Variants in FSHR observed in about 807,000 individuals in gnomAD.
FSHR encodes follicle-stimulating hormone receptor.
FSHR carries 46 observed loss-of-function variants against 52.1 expected under a neutral mutation model. The observed-to-expected ratio is 0.88, with a 90% confidence interval of 0.70 to 1.13. The LOEUF (loss-of-function observed/expected upper bound fraction) is 1.13, where lower values mean the gene tolerates loss of function less well. Among genes scored for constraint, FSHR ranks in the 50% most tolerant of loss-of-function variants. FSHR has a pLI of 0.00. For missense variants in FSHR, 964 were observed against 834.6 expected (o/e 1.16, Z -1.91); for synonymous variants, 399 against 309.6 (o/e 1.29, Z -3.03).
intron 1 of FSHR, among the ~76,000 whole-genome samples, chr2:49,111,636 T>C (rs1390574692): frequency 6.6e-6 from 1 of 152,130 alleles, no homozygotes; most frequent in East Asian, 1.9e-4. Flanking sequence ...GGACGGCGGG[T>C]TTATTGATTG....
At chr2:49,025,809 C>T (rs1667894714) in intron 2 of FSHR, among the ~76,000 whole-genome samples, 2 of 152,216 alleles carry the variant, frequency 1.3e-5, no homozygotes, top group South Asian at 4.1e-4. Flanking sequence ...ACCCAAGCCC[C>T]TTCCTAAATC....
chr2:49,075,824 G>C (rs1050845295), intron 1 of FSHR, among the ~76,000 whole-genome samples: 3 of 151,812 alleles, frequency 2.0e-5, no homozygotes, highest in Non-Finnish European at 2.9e-5. Context: ...TTTTTTGGGA[G>C]AGACAGGGTT....
intron 1 of FSHR, 149 bp downstream of exon 1, chr2:49,154,117 G>T: frequency 1.2e-6 from 1 of 810,470 alleles, no homozygotes; most frequent in Non-Finnish European, 2.1e-6. Flanking sequence ...AGGAGGGTTG[G>T]GCTGGGGAGT....
intron 2 of FSHR, among the ~76,000 whole-genome samples, chr2:49,025,084 T>C (rs1308331566): frequency 6.6e-6 from 1 of 152,242 alleles, no homozygotes; most frequent in Admixed American, 6.5e-5. Context: ...CCTTTGCTTT[T>C]GTACAATAAA....
At chr2:49,138,024 C>G (rs535763086) in intron 1 of FSHR, among the ~76,000 whole-genome samples, 1 of 151,888 alleles carries the variant, frequency 6.6e-6, no homozygotes, top group East Asian at 1.9e-4. Flanking sequence ...CATAATGGGA[C>G]AAAAATATTT....
chr2:49,047,284 G>A (rs62162079), intron 2 of FSHR, among the ~76,000 whole-genome samples: 21,608 of 152,176 alleles, frequency 0.14, 1,541 homozygotes, highest in Middle Eastern at 0.22. Flanking sequence ...AGCAGAAAAG[G>A]AAATTTAAGG....
Position 48,963,414 on chromosome 2 carries a change from A to G in FSHR, c.1407T>C (p.His469=), listed in dbSNP as rs1674322534. ...CCAGCTGCATGGCATGCGTGATGGTATGCCATCTTTCCAAGGTGATAGCTG... is the reference window on the plus strand; with the variant it reads ...CCAGCTGCATGGCATGCGTGATGGTGTGCCATCTTTCCAAGGTGATAGCTG... The part of the protein sequence containing the change: ...TLTAITLERW[H]TITHAMQLDC... Residue 469 remains histidine (H), a synonymous_variant, in exon 10 of 10, where the codon CAT becomes CAC. Coordinates refer to ENST00000406846, the MANE Select transcript of FSHR (RefSeq NM_000145.4). 5 of 1,614,026 alleles carry G rather than the reference A, an allele frequency of 3.1e-6. No homozygotes were observed. The highest frequency in any genetic ancestry group is 4.2e-6 in the Non-Finnish European group (5 of 1,180,006).
At chr2:49,039,447 C>T (rs1357179921) in intron 2 of FSHR, among the ~76,000 whole-genome samples, 3 of 152,190 alleles carry the variant, frequency 2.0e-5, no homozygotes, top group African/African-American at 7.2e-5. Flanking sequence ...GAGGAGGGCA[C>T]AGAGCAGTAT....
At chr2:49,132,912 A>G (rs568317276) in intron 1 of FSHR, among the ~76,000 whole-genome samples, 1 of 149,530 alleles carries the variant, frequency 6.7e-6, no homozygotes, top group African/African-American at 2.5e-5. Context: ...AAATGGTCCT[A>G]AGGGCAAAAG....
intron 2 of FSHR, among the ~76,000 whole-genome samples, chr2:49,054,578 C>G (rs532609056): frequency 6.6e-6 from 1 of 152,130 alleles, no homozygotes; most frequent in Non-Finnish European, 1.5e-5. Context: ...CAACCATGCA[C>G]CCATGCCTCT....
At chr2:48,973,774 T>C (rs1674853824) in intron 8 of FSHR, among the ~76,000 whole-genome samples, 1 of 152,242 alleles carries the variant, frequency 6.6e-6, no homozygotes, top group Non-Finnish European at 1.5e-5. Context: ...GGAGAAGGAT[T>C]AGGAAAGGAA....
intron 3 of FSHR, among the ~76,000 whole-genome samples, chr2:49,018,833 GCA>G (rs70946842): frequency 0.51 from 77,792 of 151,316 alleles, 21,258 homozygotes; most frequent in Non-Finnish European, 0.62. Flanking sequence ...ACACGCGCAT[GCA>G]CACACACACA....
intron 1 of FSHR, among the ~76,000 whole-genome samples, chr2:49,078,600 G>T (rs938817178): frequency 6.6e-6 from 1 of 151,430 alleles, no homozygotes; most frequent in African/African-American, 2.4e-5. Context: ...CTCTTTCAAA[G>T]AAAATTTTCA....
Position 49,127,832 on chromosome 2 carries a change from CTT to C in FSHR, c.152+26432_152+26433del, listed in dbSNP as rs1558456701. 9.1e-3 allele frequency among the ~76,000 whole-genome samples: 72 copies of C among 7,930 alleles called. 6 individuals carry two copies. Among genetic ancestry groups the C allele is most frequent in the African/African-American group, 0.06 (67 of 1,124 alleles). 5.2% of individuals were successfully genotyped at this position (7,930 alleles called of 152,430 possible). ...TCTTCTTCTTCTTCTTCTTCTTCCT[CTT>C]CTTCTTCTTCTTCTTCTTCTTCTTC... is the stretch of plus-strand genomic sequence containing the variant. On this transcript the variant is annotated intron_variant, in intron 1 of 9. Coordinates refer to ENST00000406846, the MANE Select transcript of FSHR (RefSeq NM_000145.4).
intron 2 of FSHR, among the ~76,000 whole-genome samples, chr2:49,040,380 A>T (rs1280321822): frequency 6.6e-6 from 1 of 151,762 alleles, no homozygotes; most frequent in East Asian, 1.9e-4. Flanking sequence ...CTCCCTGACC[A>T]CCTCCAGAAC....
intron 1 of FSHR, among the ~76,000 whole-genome samples, chr2:49,096,361 A>C (rs59489526): frequency 6.6e-6 from 1 of 152,110 alleles, no homozygotes; most frequent in Admixed American, 6.5e-5. Context: ...GAGGTAATAG[A>C]ACATATTGTA....
At position 49,068,213 on chromosome 2, in the gene FSHR, A is replaced by G. The variant is rs1018557051; in HGVS notation, c.224+6T>C. The G allele has an allele frequency of 3.1e-6, 5 of 1,608,292 alleles. No individual in the cohort carries two copies. Among genetic ancestry groups the G allele is most frequent in the African/African-American group, 1.4e-5 (1 of 74,018 alleles). ...GCATTCACTCACAGCAGTGCTAGGT[A>G]CATACATTTTCTCCAGGTCCCCAAA... On this transcript the variant is annotated splice_donor_region_variant and intron_variant, in intron 2 of 9. Coordinates refer to ENST00000406846, the MANE Select transcript of FSHR (RefSeq NM_000145.4).
intron 4 of FSHR, among the ~76,000 whole-genome samples, chr2:49,006,256 C>A (rs966762260): frequency 1.5e-4 from 23 of 151,764 alleles, no homozygotes; most frequent in Non-Finnish European, 2.5e-4. Context: ...AACAGGTTTC[C>A]CTATTGTATA....
chr2:49,000,806 C>A (rs1666849361), intron 4 of FSHR, among the ~76,000 whole-genome samples: 1 of 152,056 alleles, frequency 6.6e-6, no homozygotes, highest in African/African-American at 2.4e-5. Context: ...TTGGGGAACA[C>A]AGTGACCAGT....
Sources: allele counts gnomAD v4.1 joint callset (sites outside exome capture counted in the v4.1 genomes callset), GRCh38; gene constraint gnomAD v4.1.1; transcripts MANE v1.5; gene names NCBI Gene and HGNC (gene_info 2026-07-23, HGNC 2026-07-21).